The following STAM2 variants were observed in gnomAD, a reference collection of about 807,000 sequenced individuals.
STAM2 encodes signal transducing adaptor molecule 2.
A neutral mutation model predicts 65.6 loss-of-function variants in STAM2; 51 were observed. The ratio of observed to expected loss-of-function variants is 0.78; its 90% CI spans 0.62 to 0.98. The LOEUF is 0.98. STAM2 is among the 50% of genes least tolerant of loss of function. The probability of loss-of-function intolerance (pLI) is 0.00; values close to 1 mark genes in which losing one functional copy is unlikely to be tolerated. For synonymous variants in STAM2, 198 were observed against 208.4 expected (o/e 0.95, Z 0.43); for missense variants, 584 against 617.8 (o/e 0.95, Z 0.58).
In STAM2 at chr2:152,133,138, T is replaced by C. The variant is rs1296195053; in HGVS notation, c.970+35A>G. 2 of 1,102,604 alleles carry C rather than the reference T, an allele frequency of 1.8e-6. 1 individual carries two copies. The highest frequency in any genetic ancestry group is 6.6e-5 in the East Asian group (2 of 30,490). The allele number at this position is 1,102,604 out of a possible 1,614,324, so 68.3% of individuals were successfully genotyped here. A position where few individuals can be genotyped will look rare whatever the true frequency, so the allele number is the denominator to read the frequency against. On this transcript the variant is annotated intron_variant, in intron 10 of 13. Transcript: ENST00000263904. The stretch of plus-strand genomic sequence containing the variant: ...CATCATGAATAGCTAAAATATTAAA[T>C]AATATTAAAATAATATAAAATATTC...
chr2:152,120,303 T>C lies in STAM2; in HGVS notation c.*271A>G, dbSNP rs952712084. On this transcript the variant is annotated 3_prime_UTR_variant, in exon 14 of 14. Transcript: ENST00000263904. ...AAGGCTACTTAATGAGTATCTAGATTTATGTAGAGAAATCTGAAAGTAAGA... is the reference window on the plus strand; with the variant it reads ...AAGGCTACTTAATGAGTATCTAGATCTATGTAGAGAAATCTGAAAGTAAGA... 2.3e-6 allele frequency: 1 copy of C among 443,820 alleles called. No homozygotes were observed. Among genetic ancestry groups the C allele is most frequent in the Admixed American group, 3.8e-5 (1 of 26,540 alleles). 27.5% of individuals were successfully genotyped at this position (443,820 alleles called of 1,614,324 possible).
At chr2:152,141,798 C>A (rs192633212) in intron 7 of STAM2, among the ~76,000 whole-genome samples, 265 of 151,890 alleles carry the variant, frequency 1.7e-3, no homozygotes, top group African/African-American at 5.8e-3. Context: ...ACCATATTGA[C>A]CAGGGTGGTC....
chr2:152,160,912 G>A (rs1482010063), intron 1 of STAM2, among the ~76,000 whole-genome samples: 45 of 151,758 alleles, frequency 3.0e-4, no homozygotes, highest in African/African-American at 1.0e-3. Context: ...CGCCCCATCC[G>A]GGAGGTGAGG....
chr2:152,152,022 C>T (rs1046693114), intron 1 of STAM2, among the ~76,000 whole-genome samples: 6 of 152,212 alleles, frequency 3.9e-5, no homozygotes, highest in South Asian at 2.1e-4. Flanking sequence ...TCACTGCAGC[C>T]TTTATCTCCC....
At chr2:152,135,669 T>C in intron 7 of STAM2, 66 bp from the exon 8 acceptor site, 1 of 1,088,712 alleles carries the variant, frequency 9.2e-7, no homozygotes. Flanking sequence ...AAAGATGAAT[T>C]AAAAATTAAA....
intron 1 of STAM2, among the ~76,000 whole-genome samples, chr2:152,175,308 TAATC>T (rs1280644689): frequency 6.6e-6 from 1 of 152,150 alleles, no homozygotes; most frequent in African/African-American, 2.4e-5. Context: ...CACAACTACT[TAATC>T]AGTCCAGTCT....
chr2:152,150,071 C>A lies in STAM2; in HGVS notation c.125+74G>T, dbSNP rs931679802. ...CTGTGATAAAGTCTCATTTTCCTCTCAAAGTTACATCACAAAAAGAGACAC... is the reference window on the plus strand; with the variant it reads ...CTGTGATAAAGTCTCATTTTCCTCTAAAAGTTACATCACAAAAAGAGACAC... On this transcript the variant is annotated intron_variant, in intron 2 of 13. Transcript: ENST00000263904. 7 of 1,019,036 alleles carry A rather than the reference C, an allele frequency of 6.9e-6. No homozygotes were observed. The African/African-American group carries it at 1.1e-4, about 16-fold the overall frequency. 63.1% of individuals were successfully genotyped at this position (1,019,036 alleles called of 1,614,324 possible).
chr2:152,161,063 A>T (rs1020653877), intron 1 of STAM2, among the ~76,000 whole-genome samples: 2 of 152,208 alleles, frequency 1.3e-5, no homozygotes, highest in African/African-American at 4.8e-5. Flanking sequence ...AAGGGGGGGA[A>T]AGGTGGGGAA....
At chr2:152,158,105 T>C (rs191645712) in intron 1 of STAM2, among the ~76,000 whole-genome samples, 68 of 152,188 alleles carry the variant, frequency 4.5e-4, no homozygotes, top group Non-Finnish European at 8.2e-4. Flanking sequence ...ATGCAAACAT[T>C]GGTGAATGCT....
At position 152,120,453 on chromosome 2, in the gene STAM2, C is replaced by G; in HGVS notation, c.*121G>C. 7.9e-6 allele frequency: 5 copies of G among 632,970 alleles called. No homozygotes were observed. The highest frequency in any genetic ancestry group is 3.3e-5 in the East Asian group (1 of 30,416). The allele number at this position is 632,970 out of a possible 1,614,324, so 39.2% of individuals were successfully genotyped here. ...TTGTAGAATAAGAGAGGTTTTTGTGCTTTATTTATTCATGGTCCTTTTGAG... is the reference window on the plus strand; with the variant it reads ...TTGTAGAATAAGAGAGGTTTTTGTGGTTTATTTATTCATGGTCCTTTTGAG... On this transcript the variant is annotated 3_prime_UTR_variant, in exon 14 of 14. Coordinates refer to ENST00000263904, the MANE Select transcript of STAM2 (RefSeq NM_005843.6).
At chr2:152,162,698 G>C (rs1258726121) in intron 1 of STAM2, among the ~76,000 whole-genome samples, 1 of 152,130 alleles carries the variant, frequency 6.6e-6, no homozygotes, top group Non-Finnish European at 1.5e-5. Flanking sequence ...TTGGAGTATA[G>C]TGGCGCGATC....
At chr2:152,153,957 T>C (rs1389852262) in intron 1 of STAM2, among the ~76,000 whole-genome samples, 1 of 148,510 alleles carries the variant, frequency 6.7e-6, no homozygotes, top group Non-Finnish European at 1.5e-5. Flanking sequence ...TTAAATAAAA[T>C]AGTATAAGGT....
chr2:152,151,127 G>A (rs1210838713), intron 1 of STAM2, among the ~76,000 whole-genome samples: 1 of 149,592 alleles, frequency 6.7e-6, no homozygotes, highest in East Asian at 1.9e-4. Context: ...GGCTTATAAC[G>A]CTGAGTCAAA....
chr2:152,149,441 G>A lies in STAM2; in HGVS notation c.125+704C>T, dbSNP rs543267379. 1.8e-4 allele frequency among the ~76,000 whole-genome samples: 27 copies of A among 150,160 alleles called. No homozygotes were observed. The South Asian group carries it at 5.2e-3, about 29-fold the overall frequency. On this transcript the variant is annotated intron_variant, in intron 2 of 13. Transcript: ENST00000263904. ...AAGGACACCAACACCCCACGCAGCC[G>A]AAAATCTGTGTATAACTTTTGATTC...
chr2:152,160,450 T>C (rs1225030583), intron 1 of STAM2, among the ~76,000 whole-genome samples: 1 of 148,314 alleles, frequency 6.7e-6, no homozygotes, highest in African/African-American at 2.5e-5. Context: ...ACCCTCTGCC[T>C]GGCAACCGCC....
intron 7 of STAM2, among the ~76,000 whole-genome samples, chr2:152,139,000 A>G (rs1241498033): frequency 6.6e-6 from 1 of 152,212 alleles, no homozygotes; most frequent in African/African-American, 2.4e-5. Flanking sequence ...TTGATGAAGC[A>G]TAAAAGTAGG....
intron 1 of STAM2, among the ~76,000 whole-genome samples, chr2:152,152,917 A>T (rs1045164347): frequency 6.6e-6 from 1 of 152,234 alleles, no homozygotes; most frequent in African/African-American, 2.4e-5. Flanking sequence ...CAGGGGCTTC[A>T]TTGTATTTAT....
chr2:152,136,088 C>CAA (rs1228963447), intron 7 of STAM2, among the ~76,000 whole-genome samples: 26 of 55,522 alleles, frequency 4.7e-4, no homozygotes, highest in Non-Finnish European at 4.1e-4. Flanking sequence ...AGACTCGTCT[C>CAA]AAAAAAAAAA....
chr2:152,161,055 G>C (rs1440131301), intron 1 of STAM2, among the ~76,000 whole-genome samples: 1 of 152,178 alleles, frequency 6.6e-6, no homozygotes, highest in African/African-American at 2.4e-5. Flanking sequence ...TGGAATAGAA[G>C]GGGGGGAAAG....
Sources: gnomAD v4.1 joint callset for allele counts (sites outside exome capture counted in the v4.1 genomes callset) on GRCh38, gnomAD v4.1.1 for gene constraint, MANE v1.5 for transcripts, NCBI Gene and HGNC (gene_info 2026-07-23, HGNC 2026-07-21) for gene names.